BAHCC1: variants seen among roughly 807,000 people sequenced by gnomAD.
The protein encoded by BAHCC1 is BAH domain and coiled-coil containing 1.
In BAHCC1, 43 loss-of-function variants were observed where a neutral mutation model predicts 88.2. The ratio of observed to expected loss-of-function variants is 0.49; its 90% CI spans 0.38 to 0.63. BAHCC1 has a LOEUF of 0.63. Ranked by LOEUF, BAHCC1 falls within the 20% of genes least tolerant of loss-of-function variation. The probability of loss-of-function intolerance (pLI) is 0.00; values close to 1 mark genes in which losing one functional copy is unlikely to be tolerated. For synonymous variants in BAHCC1, 1,510 were observed against 745.5 expected (o/e 2.03, Z -16.71); for missense variants, 3,023 against 1,654.8 (o/e 1.83, Z -14.34).
chr17:81,397,454 G>A (rs1331306782), intron 1 of BAHCC1, among the ~76,000 whole-genome samples: 1 of 151,474 alleles, frequency 6.6e-6, no homozygotes, highest in Non-Finnish European at 1.5e-5. Context: ...CTCCCTGGAG[G>A]CCGCCAGGAA....
Position 81,452,721 on chromosome 17 carries a change from A to G in BAHCC1, c.4317-2A>G, listed in dbSNP as rs1269501348. The G allele has an allele frequency of 1.3e-6, 1 of 750,898 alleles. No individual in the cohort carries two copies. The highest frequency in any genetic ancestry group is 1.8e-5 in the Admixed American group (1 of 54,320). The allele number at this position is 750,898 out of a possible 1,614,324, so 46.5% of individuals were successfully genotyped here. The stretch of plus-strand genomic sequence containing the variant: ...TCTGACCATCCCCCCTGCGGCCCCC[A>G]GGAGAGACGAGAGTTCACGGAGCCC... On this transcript the variant is annotated splice_acceptor_variant, in intron 13 of 27. Transcript: ENST00000675386. LOFTEE classifies it high-confidence loss of function.
rs2143464952 is a variant in BAHCC1, at chr17:81,434,981, T to C, written c.359-3389T>C. ...CCCAGGGGTGAGAAGCCACCAGGCCTCCCTTCTCCAGGTGGGCAGGAGGAA... is the reference window on the plus strand; with the variant it reads ...CCCAGGGGTGAGAAGCCACCAGGCCCCCCTTCTCCAGGTGGGCAGGAGGAA... On this transcript the variant is annotated intron_variant, in intron 3 of 27. Coordinates refer to ENST00000675386, the MANE Select transcript of BAHCC1 (RefSeq NM_001377448.1). This position sits in a 1 kb window ranked among gnomAD's most constrained non-coding sequence, Gnocchi z 4.9. Among the ~76,000 whole-genome samples, 1 of 151,998 alleles carries C rather than the reference T, an allele frequency of 6.6e-6. No individual in the cohort carries two copies. The highest frequency in any genetic ancestry group is 1.9e-4 in the East Asian group (1 of 5,148).
At chr17:81,418,325 C>T (rs1555649033) in intron 2 of BAHCC1, among the ~76,000 whole-genome samples, 1 of 152,180 alleles carries the variant, frequency 6.6e-6, no homozygotes, top group Non-Finnish European at 1.5e-5. Flanking sequence ...GGGAGCTGGG[C>T]CTGGCCACGT....
At chr17:81,400,056 G>A (rs1037329124) in intron 2 of BAHCC1, 139 bp downstream of exon 2, 10 of 790,748 alleles carry the variant, frequency 1.3e-5, no homozygotes, top group Non-Finnish European at 1.5e-5. Flanking sequence ...GGCGCTGAGC[G>A]GGGCCGCGCG....
chr17:81,462,685 C>T (rs3736072), intron 26 of BAHCC1, 55 bp from the exon 27 acceptor site: 305,143 of 708,352 alleles, frequency 0.43, 70,424 homozygotes, highest in East Asian at 0.79. Flanking sequence ...CTGGCCGCCA[C>T]CTGTCCCCAC....
rs781806054 is a variant in BAHCC1, at chr17:81,442,507, C to G, written c.1158C>G (p.Asp386Glu). The G allele has an allele frequency of 1.4e-6, 1 of 721,978 alleles. No individual in the cohort carries two copies. The highest frequency in any genetic ancestry group is 2.6e-6 in the Non-Finnish European group (1 of 390,228). 44.7% of individuals were successfully genotyped at this position (721,978 alleles called of 1,614,324 possible). The stretch of plus-strand genomic sequence containing the variant: ...CGCTGCAGGACAAAGCCCCCCGGGA[C>G]CTAAAGGCCAGCGGGCCCACCTTCG... Reference protein sequence around the residue: ...LCPLQDKAPRDLKASGPTFVP... With the variant: ...LCPLQDKAPRELKASGPTFVP... The change falls in exon 5 of 28, where the codon GAC (aspartate) becomes GAG (glutamate). Residue 386 changes from aspartate to glutamate, a missense_variant. Coordinates refer to ENST00000675386, the MANE Select transcript of BAHCC1 (RefSeq NM_001377448.1).
At chr17:81,420,303 T>A (rs2064100901) in intron 2 of BAHCC1, among the ~76,000 whole-genome samples, 1 of 152,214 alleles carries the variant, frequency 6.6e-6, no homozygotes, top group Non-Finnish European at 1.5e-5. Context: ...TAAGCCCATG[T>A]GGCCAGCTCT....
chr17:81,409,904 G>A (rs2063928139), intron 2 of BAHCC1, among the ~76,000 whole-genome samples: 2 of 152,184 alleles, frequency 1.3e-5, no homozygotes, highest in African/African-American at 4.8e-5. Context: ...CAGTCTTCAG[G>A]CCCGGGAGAG....
chr17:81,409,559 C>T (rs1167101408), intron 2 of BAHCC1, among the ~76,000 whole-genome samples: 3 of 152,136 alleles, frequency 2.0e-5, no homozygotes, highest in Non-Finnish European at 4.4e-5. Flanking sequence ...CACGCGGGGT[C>T]GCGGGGGTGC....
intron 16 of BAHCC1, among the ~76,000 whole-genome samples, chr17:81,457,028 A>G (rs1186623893): frequency 6.6e-6 from 1 of 152,040 alleles, no homozygotes; most frequent in Non-Finnish European, 1.5e-5. Context: ...CCTTCCCCCA[A>G]GGTCTCAGAT....
At chr17:81,440,800 C>T (rs2064401232) in intron 4 of BAHCC1, among the ~76,000 whole-genome samples, 2 of 152,158 alleles carry the variant, frequency 1.3e-5, no homozygotes, top group African/African-American at 4.8e-5. Flanking sequence ...CTCTCTGCCC[C>T]CGGAGCCACT....
In BAHCC1 at chr17:81,460,754, G is replaced by C. The variant is rs782152250; in HGVS notation, c.6202+48G>C. 5 of 776,218 alleles carry C rather than the reference G, an allele frequency of 6.4e-6. No homozygotes were observed. In the Admixed American group the frequency reaches 6.8e-5, roughly 11 times the overall value. The allele number at this position is 776,218 out of a possible 1,614,324, so 48.1% of individuals were successfully genotyped here. A position where few individuals can be genotyped will look rare whatever the true frequency, so the allele number is the denominator to read the frequency against. On this transcript the variant is annotated intron_variant, in intron 25 of 27. Transcript: ENST00000675386. ...ATCCGGATCGGGGAAGGCACCCTCT[G>C]GGGGCTGGGGGAACCAGGAGGCCCG...
intron 20 of BAHCC1, 27 bp downstream of exon 20, chr17:81,458,996 C>T (rs1598513042): frequency 2.7e-6 from 1 of 370,396 alleles, no homozygotes; most frequent in East Asian, 2.6e-5. Flanking sequence ...AGGGTGCCAG[C>T]CGCCTGGGGA....
chr17:81,458,952 A>G lies in BAHCC1; in HGVS notation c.5588A>G (p.Glu1863Gly). ...GAGGACAGCGGCCCTCTGAGCGCAGAGCAGAGCGCCGCCCTAGGTGAGCAG... is the reference window on the plus strand; with the variant it reads ...GAGGACAGCGGCCCTCTGAGCGCAGGGCAGAGCGCCGCCCTAGGTGAGCAG... ...EEEDSGPLSAEQSAALARSCA... is the reference protein window; with the variant it reads ...EEEDSGPLSAGQSAALARSCA... The change falls in exon 20 of 28, where the codon GAG (glutamate) becomes GGG (glycine). Residue 1863 changes from glutamate to glycine, a missense_variant. Glu to Gly is a moderately conservative substitution (Grantham distance 98, BLOSUM62 -2). Coordinates refer to ENST00000675386, the MANE Select transcript of BAHCC1 (RefSeq NM_001377448.1). The G allele has an allele frequency of 1.3e-6, 1 of 746,808 alleles. No individual in the cohort carries two copies. Among genetic ancestry groups the G allele is most frequent in the Non-Finnish European group, 2.5e-6 (1 of 399,046 alleles). 46.3% of individuals were successfully genotyped at this position (746,808 alleles called of 1,614,324 possible).
rs553612718 is a variant in BAHCC1, at chr17:81,460,905, C to A, written c.6242C>A (p.Thr2081Lys). Reference protein sequence around the residue: ...ELLTSGAKSPTGASDHFLGRR... With the variant: ...ELLTSGAKSPKGASDHFLGRR... ...CTAACCTCAGGTGCCAAATCCCCCA[C>A]GGGGGCCTCCGACCACTTCCTGGGC... Residue 2081 changes from threonine (T) to lysine (K), a missense_variant, in exon 26 of 28, where the codon ACG becomes AAG. By Grantham distance (78) the Thr-to-Lys change is moderately conservative. Coordinates refer to ENST00000675386, the MANE Select transcript of BAHCC1 (RefSeq NM_001377448.1). 1.3e-6 allele frequency: 1 copy of A among 767,674 alleles called. No individual in the cohort carries two copies. The highest frequency in any genetic ancestry group is 1.3e-5 in the South Asian group (1 of 74,626). The allele number at this position is 767,674 out of a possible 1,614,324, so 47.6% of individuals were successfully genotyped here.
chr17:81,446,092 G>C (rs1011702805), intron 10 of BAHCC1, among the ~76,000 whole-genome samples: 4 of 152,166 alleles, frequency 2.6e-5, no homozygotes, highest in African/African-American at 7.2e-5. Flanking sequence ...GTGCCTGGGT[G>C]GGGGGGTCTC....
intron 15 of BAHCC1, 42 bp downstream of exon 15, chr17:81,455,432 T>C: frequency 1.4e-6 from 1 of 705,842 alleles, no homozygotes; most frequent in Non-Finnish European, 2.6e-6. Flanking sequence ...GCCCTTCAGG[T>C]CCCTTCAGGT....
At chr17:81,429,509 C>G (rs1172875388) in intron 3 of BAHCC1, among the ~76,000 whole-genome samples, 2 of 152,064 alleles carry the variant, frequency 1.3e-5, no homozygotes, top group Non-Finnish European at 1.5e-5. Context: ...GCTGGCTGCC[C>G]GGGCAGCATG....
chr17:81,436,155 C>T (rs936287747), intron 3 of BAHCC1, among the ~76,000 whole-genome samples: 18 of 152,236 alleles, frequency 1.2e-4, no homozygotes, highest in Non-Finnish European at 2.5e-4. Flanking sequence ...CCTAACTTCC[C>T]CTCTGGGTCC....
Sources: allele counts gnomAD v4.1 joint callset (sites outside exome capture counted in the v4.1 genomes callset), GRCh38; gene constraint gnomAD v4.1.1; non-coding constraint Gnocchi (gnomAD v3.1); transcripts MANE v1.5; gene names NCBI Gene and HGNC (gene_info 2026-07-23, HGNC 2026-07-21).